The following CLEC16A variants were observed in gnomAD, a reference collection of about 807,000 sequenced individuals.
The protein encoded by CLEC16A is C-type lectin domain containing 16A, also known as protein CLEC16A.
A neutral mutation model predicts 109.5 loss-of-function variants in CLEC16A; 51 were observed. The ratio of observed to expected loss-of-function variants is 0.47; its 90% CI spans 0.37 to 0.59. CLEC16A has a LOEUF of 0.59. CLEC16A is among the 20% of genes least tolerant of loss of function. The pLI is 0.00. For missense variants in CLEC16A, 1,339 were observed against 1,394.0 expected (o/e 0.96, Z 0.63); for synonymous variants, 673 against 564.2 (o/e 1.19, Z -2.73).
chr16:11,003,962 T>A (rs2044829163), intron 11 of CLEC16A, among the ~76,000 whole-genome samples: 1 of 144,136 alleles, frequency 6.9e-6, no homozygotes, highest in African/African-American at 2.6e-5. Context: ...GACGAGATCC[T>A]GTCTCTACAA....
chr16:11,120,599 ACCTTCCT>A lies in CLEC16A; in HGVS notation c.2117-12_2117-6del. ...CCAGACTGTGCCTCATTCTCTTCTC[ACCTTCCT>A]CCTCCCAGATAACAGCGACTTGATT... On this transcript the variant is annotated splice_polypyrimidine_tract_variant and intron_variant, in intron 19 of 23. Transcript: ENST00000409790. 1 of 1,600,650 alleles carries A rather than the reference ACCTTCCT, an allele frequency of 6.2e-7. No homozygotes were observed. The highest frequency in any genetic ancestry group is 8.5e-7 in the Non-Finnish European group (1 of 1,171,876).
chr16:11,075,491 C>T (rs1267634834), intron 19 of CLEC16A, among the ~76,000 whole-genome samples: 6 of 150,920 alleles, frequency 4.0e-5, no homozygotes, highest in South Asian at 4.2e-4. Context: ...GGCTGGAGTG[C>T]GTGGCATAAT....
At chr16:11,161,298 A>G (rs1238151084) in intron 22 of CLEC16A, among the ~76,000 whole-genome samples, 1 of 152,222 alleles carries the variant, frequency 6.6e-6, no homozygotes, top group Admixed American at 6.5e-5. Flanking sequence ...CTGCAGAAGC[A>G]CAGGGGAGAG....
In CLEC16A at chr16:11,178,941, C is replaced by T. The variant is rs201916234; in HGVS notation, c.*251C>T. ...CCGCGGCGAATGCAGATGACTGCAC[C>T]GGCCACTCAGGGAGCTGCCTGGGCT... On this transcript the variant is annotated 3_prime_UTR_variant, in exon 24 of 24. Coordinates refer to ENST00000409790, the MANE Select transcript of CLEC16A (RefSeq NM_015226.3). This position sits in a 1 kb window ranked among gnomAD's most constrained non-coding sequence, Gnocchi z 6.5. 2 of 432,594 alleles carry T rather than the reference C, an allele frequency of 4.6e-6. No homozygotes were observed. Among genetic ancestry groups the T allele is most frequent in the African/African-American group, 2.0e-5 (1 of 49,632 alleles). The allele number at this position is 432,594 out of a possible 1,614,324, so 26.8% of individuals were successfully genotyped here. A position where few individuals can be genotyped will look rare whatever the true frequency, so the allele number is the denominator to read the frequency against.
At chr16:11,031,313 G>A (rs1447613837) in intron 13 of CLEC16A, among the ~76,000 whole-genome samples, 1 of 151,644 alleles carries the variant, frequency 6.6e-6, no homozygotes, top group Non-Finnish European at 1.5e-5. Flanking sequence ...ATGGGACAGT[G>A]GGCAAGCTCC....
chr16:11,106,082 T>C (rs978536418), intron 19 of CLEC16A, among the ~76,000 whole-genome samples: 8 of 152,196 alleles, frequency 5.3e-5, no homozygotes, highest in Non-Finnish European at 1.0e-4. Context: ...AGAAAACTAA[T>C]AATTTGAGTG....
chr16:10,956,116 C>T (rs936049674), intron 1 of CLEC16A, among the ~76,000 whole-genome samples: 2 of 152,184 alleles, frequency 1.3e-5, no homozygotes, highest in Non-Finnish European at 2.9e-5. Context: ...GAAACTGGGC[C>T]CATGCCCCCT....
intron 7 of CLEC16A, among the ~76,000 whole-genome samples, chr16:10,974,202 G>A (rs1412737128): frequency 6.6e-6 from 1 of 151,932 alleles, no homozygotes; most frequent in Non-Finnish European, 1.5e-5. Context: ...CCAGCCATAA[G>A]GTGCTTTTTT....
At chr16:11,173,172 G>C (rs549294787) in intron 23 of CLEC16A, among the ~76,000 whole-genome samples, 1 of 152,060 alleles carries the variant, frequency 6.6e-6, no homozygotes, top group African/African-American at 2.4e-5. Context: ...GAGTTTTAAG[G>C]ACAGAAACCC....
chr16:11,035,401 C>A (rs1480744047), intron 13 of CLEC16A, among the ~76,000 whole-genome samples: 1 of 152,176 alleles, frequency 6.6e-6, no homozygotes, highest in Non-Finnish European at 1.5e-5. Flanking sequence ...AATGTATGGA[C>A]TGTTGTGTTT....
intron 19 of CLEC16A, among the ~76,000 whole-genome samples, chr16:11,065,027 C>T (rs1948150561): frequency 2.0e-5 from 3 of 152,140 alleles, no homozygotes; most frequent in Admixed American, 2.0e-4. Flanking sequence ...GGTCATTGCT[C>T]GGATGATGGC....
intron 11 of CLEC16A, among the ~76,000 whole-genome samples, chr16:11,008,231 T>A (rs1351067386): frequency 6.6e-6 from 1 of 152,218 alleles, no homozygotes; most frequent in East Asian, 1.9e-4. Flanking sequence ...GCCATCTTTT[T>A]TCAGTCTGTC....
At chr16:11,124,079 A>G (rs1567354140) in intron 21 of CLEC16A, 133 bp downstream of exon 21, 2 of 852,854 alleles carry the variant, frequency 2.3e-6, no homozygotes, top group East Asian at 5.3e-5. Flanking sequence ...TGTTTTATAT[A>G]CGAATACGAG....
chr16:11,018,731 A>G (rs111556486), intron 11 of CLEC16A, among the ~76,000 whole-genome samples: 14,990 of 136,014 alleles, frequency 0.11, 814 homozygotes, highest in African/African-American at 0.14. Flanking sequence ...CCTGGGCGAC[A>G]GAGCGAGACT....
intron 19 of CLEC16A, among the ~76,000 whole-genome samples, chr16:11,090,931 A>G (rs1439095817): frequency 6.6e-6 from 1 of 151,152 alleles, no homozygotes; most frequent in Non-Finnish European, 1.5e-5. Context: ...CAGCCTCCCA[A>G]AGTGCTGGGA....
chr16:10,955,261 G>A (rs1295585570), intron 1 of CLEC16A, among the ~76,000 whole-genome samples: 2 of 152,306 alleles, frequency 1.3e-5, no homozygotes, highest in African/African-American at 2.4e-5. Flanking sequence ...TCTAAGTTAT[G>A]TTTACAAAGA....
chr16:11,128,637 C>T (rs2052992124), intron 22 of CLEC16A, among the ~76,000 whole-genome samples: 1 of 152,220 alleles, frequency 6.6e-6, no homozygotes, highest in Admixed American at 6.5e-5. Flanking sequence ...GGCTTGGCAC[C>T]AGAGCTGTGT....
chr16:11,141,510 G>A (rs1256310447), intron 22 of CLEC16A, among the ~76,000 whole-genome samples: 3 of 152,244 alleles, frequency 2.0e-5, no homozygotes, highest in Admixed American at 1.3e-4. Flanking sequence ...GGGACCGTGG[G>A]GGATCTGGAG....
At chr16:11,075,422 G>A (rs1464785256) in intron 19 of CLEC16A, among the ~76,000 whole-genome samples, 9 of 146,530 alleles carry the variant, frequency 6.1e-5, no homozygotes, top group African/African-American at 2.4e-4. Context: ...CTGTGTGTGT[G>A]TGTGTATGTG....
Sources: allele counts gnomAD v4.1 joint callset (sites outside exome capture counted in the v4.1 genomes callset), GRCh38; gene constraint gnomAD v4.1.1; non-coding constraint Gnocchi (gnomAD v3.1); transcripts MANE v1.5; gene names NCBI Gene and HGNC (gene_info 2026-07-23, HGNC 2026-07-21).